The following SH3PXD2A variants were observed in gnomAD, a reference collection of about 807,000 sequenced individuals.
SH3PXD2A encodes the protein SH3 and PX domain-containing protein 2A.
SH3PXD2A carries 32 observed loss-of-function variants against 115.2 expected under a neutral mutation model. The ratio of observed to expected loss-of-function variants is 0.28; its 90% CI spans 0.21 to 0.37. SH3PXD2A has a LOEUF of 0.37. SH3PXD2A is among the 10% of genes least tolerant of loss of function. The pLI, the probability that SH3PXD2A is intolerant of heterozygous loss-of-function variation, is 1.00. For missense variants in SH3PXD2A, 1,328 were observed against 1,498.7 expected (o/e 0.89, Z 1.88); for synonymous variants, 610 against 629.1 (o/e 0.97, Z 0.45).
Position 103,601,542 on chromosome 10 carries a change from A to C in SH3PXD2A, c.*274T>G. Reference sequence around the variant, plus strand: ...CATTGGTGAAGTCCCTATGGTGCACAGGATATCTCAGCTTTCTTGGCTCTG... The same window carrying C: ...CATTGGTGAAGTCCCTATGGTGCACCGGATATCTCAGCTTTCTTGGCTCTG... On this transcript the variant is annotated 3_prime_UTR_variant, in exon 15 of 15. Transcript: ENST00000369774. 1.4e-5 allele frequency: 5 copies of C among 345,612 alleles called. No homozygotes were observed. The highest frequency in any genetic ancestry group is 5.3e-6 in the Non-Finnish European group (1 of 188,138). 21.4% of individuals were successfully genotyped at this position (345,612 alleles called of 1,614,324 possible).
intron 6 of SH3PXD2A, among the ~76,000 whole-genome samples, chr10:103,682,153 C>A (rs1272054546): frequency 6.6e-6 from 1 of 152,248 alleles, no homozygotes; most frequent in Non-Finnish European, 1.5e-5. Flanking sequence ...AGGCTTCCAA[C>A]TAGCTGCCTC....
At chr10:103,748,078 C>T (rs1005345317) in intron 3 of SH3PXD2A, among the ~76,000 whole-genome samples, 6 of 152,200 alleles carry the variant, frequency 3.9e-5, no homozygotes, top group African/African-American at 1.2e-4. Flanking sequence ...GTGACAGTAA[C>T]ATTAAGAGGA....
At chr10:103,735,588 C>T (rs2038370202) in intron 4 of SH3PXD2A, 144 bp downstream of exon 4, 1 of 675,746 alleles carries the variant, frequency 1.5e-6, no homozygotes, top group Admixed American at 2.3e-5. Context: ...GATCCCATAC[C>T]CACCCCTCTG....
At chr10:103,841,363 G>T (rs2039596391) in intron 1 of SH3PXD2A, among the ~76,000 whole-genome samples, 1 of 152,130 alleles carries the variant, frequency 6.6e-6, no homozygotes, top group Non-Finnish European at 1.5e-5. Flanking sequence ...CAAAAATAAT[G>T]TTCAGCCAGT....
rs906859779 is a variant in SH3PXD2A at position 103,598,235 on chromosome 10, C to T, written c.*3581G>A. ...AGACAGCCCGTCTACAGTCATTGGACATAGGGGAAACCCACAGGGCATGGG... is the reference window on the plus strand; with the variant it reads ...AGACAGCCCGTCTACAGTCATTGGATATAGGGGAAACCCACAGGGCATGGG... On this transcript the variant is annotated 3_prime_UTR_variant, in exon 15 of 15. Coordinates refer to ENST00000369774, the MANE Select transcript of SH3PXD2A (RefSeq NM_001394015.1). The T allele has an allele frequency of 5.9e-5, 9 of 152,624 alleles. No individual in the cohort carries two copies. The highest frequency in any genetic ancestry group is 1.9e-4 in the African/African-American group (8 of 41,442). 9.5% of individuals were successfully genotyped at this position (152,624 alleles called of 1,614,324 possible). A position where few individuals can be genotyped will look rare whatever the true frequency, so the allele number is the denominator to read the frequency against.
chr10:103,834,239 CG>C (rs1178858878), intron 1 of SH3PXD2A, among the ~76,000 whole-genome samples: 1 of 152,162 alleles, frequency 6.6e-6, no homozygotes, highest in East Asian at 1.9e-4. Flanking sequence ...CAGGACCCCT[CG>C]GCCACCACAT....
intron 3 of SH3PXD2A, among the ~76,000 whole-genome samples, chr10:103,747,883 C>T (rs2038525318): frequency 6.6e-6 from 1 of 152,112 alleles, no homozygotes. Context: ...CTCCTGGGCT[C>T]AAGCAATCCA....
intron 1 of SH3PXD2A, among the ~76,000 whole-genome samples, chr10:103,830,093 T>C (rs2039469951): frequency 1.3e-5 from 2 of 152,264 alleles, no homozygotes; most frequent in South Asian, 4.1e-4. Flanking sequence ...TTCCAGGCCC[T>C]GAGCAAAGAG....
At position 103,602,385 on chromosome 10, in the gene SH3PXD2A, C is replaced by T. The variant is rs773844696; in HGVS notation, c.2833G>A (p.Ala945Thr). 23 of 1,613,804 alleles carry T rather than the reference C, an allele frequency of 1.4e-5. No individual in the cohort carries two copies. Among genetic ancestry groups the T allele is most frequent in the Middle Eastern group, 1.6e-4 (1 of 6,084 alleles). ...ALNTVNQSKK[A>T]TPPIPSKPPG... ...GGTTTGGAGGGGATGGGGGGCGTGG[C>T]CTTCTTGCTCTGGTTGACGGTGTTC... The change falls in exon 15 of 15, where the codon GCC (alanine) becomes ACC (threonine). Residue 945 changes from alanine to threonine, a missense_variant. Coordinates refer to ENST00000369774, the MANE Select transcript of SH3PXD2A (RefSeq NM_001394015.1).
At chr10:103,836,193 C>A (rs2039537862) in intron 1 of SH3PXD2A, among the ~76,000 whole-genome samples, 1 of 152,162 alleles carries the variant, frequency 6.6e-6, no homozygotes, top group African/African-American at 2.4e-5. Flanking sequence ...ATGCAAAGAT[C>A]TATGAGACCC....
At chr10:103,682,146 C>T (rs1304385435) in intron 6 of SH3PXD2A, among the ~76,000 whole-genome samples, 1 of 152,192 alleles carries the variant, frequency 6.6e-6, no homozygotes, top group Non-Finnish European at 1.5e-5. Context: ...GGAATTGAGG[C>T]TTCCAACTAG....
intron 6 of SH3PXD2A, among the ~76,000 whole-genome samples, chr10:103,684,484 G>A (rs559905407): frequency 5.3e-5 from 8 of 151,656 alleles, no homozygotes; most frequent in African/African-American, 1.7e-4. Flanking sequence ...TCAGCCTCCC[G>A]AGTAGCTGGG....
intron 2 of SH3PXD2A, among the ~76,000 whole-genome samples, chr10:103,799,738 C>T (rs2039129373): frequency 6.6e-6 from 1 of 152,218 alleles, no homozygotes. Flanking sequence ...TGAGTTATCA[C>T]TTCCTGTCCA....
At chr10:103,714,857 G>A (rs754325195) in intron 5 of SH3PXD2A, among the ~76,000 whole-genome samples, 2 of 152,218 alleles carry the variant, frequency 1.3e-5, no homozygotes, top group South Asian at 2.1e-4. Flanking sequence ...TTGATGATAG[G>A]TGTCTGACCA....
At chr10:103,645,625 C>T (rs1302621061) in intron 8 of SH3PXD2A, among the ~76,000 whole-genome samples, 1 of 152,144 alleles carries the variant, frequency 6.6e-6, no homozygotes, top group Non-Finnish European at 1.5e-5. Context: ...GGCTAATCAC[C>T]AGGAACGGGC....
intron 7 of SH3PXD2A, among the ~76,000 whole-genome samples, chr10:103,667,341 A>G (rs1357812769): frequency 1.3e-5 from 2 of 152,156 alleles, no homozygotes; most frequent in East Asian, 3.9e-4. Context: ...GGCATCCTAC[A>G]AAAGTCCCTC....
intron 2 of SH3PXD2A, among the ~76,000 whole-genome samples, chr10:103,776,372 G>A (rs2038877894): frequency 6.9e-6 from 1 of 145,720 alleles, no homozygotes; most frequent in Non-Finnish European, 1.5e-5. Flanking sequence ...CAGCCTGGGT[G>A]ACAGAGCTAG....
At chr10:103,779,269 T>C (rs956327226) in intron 2 of SH3PXD2A, among the ~76,000 whole-genome samples, 4 of 152,174 alleles carry the variant, frequency 2.6e-5, no homozygotes, top group African/African-American at 9.7e-5. Context: ...GGTTTCCTCA[T>C]GTTGGCCGGG....
intron 2 of SH3PXD2A, among the ~76,000 whole-genome samples, chr10:103,775,432 G>C (rs2038868322): frequency 6.6e-6 from 1 of 152,142 alleles, no homozygotes; most frequent in Admixed American, 6.5e-5. Flanking sequence ...CCAGGCGATG[G>C]GAGTTTAGGA....
Sources: allele counts gnomAD v4.1 joint callset (sites outside exome capture counted in the v4.1 genomes callset), GRCh38; gene constraint gnomAD v4.1.1; transcripts MANE v1.5; gene names NCBI Gene and HGNC (gene_info 2026-07-23, HGNC 2026-07-21).